Variants in GRIK4 observed in about 807,000 individuals in gnomAD.
The protein encoded by GRIK4 is glutamate receptor ionotropic, kainate 4.
Under a neutral mutation model 104.9 loss-of-function variants are expected in GRIK4, and 40 were observed. That is an observed-to-expected ratio of 0.38 (90% CI 0.30 to 0.50). The LOEUF (loss-of-function observed/expected upper bound fraction) is 0.50, where lower values mean the gene tolerates loss of function less well. Ranked by LOEUF, GRIK4 falls within the 20% of genes least tolerant of loss-of-function variation. The pLI is 0.93. For missense variants in GRIK4, 1,047 were observed against 1,308.1 expected (o/e 0.80, Z 3.08); for synonymous variants, 485 against 524.9 (o/e 0.92, Z 1.04).
At chr11:120,840,713 C>T (rs529135324) in intron 8 of GRIK4, among the ~76,000 whole-genome samples, 9 of 152,310 alleles carry the variant, frequency 5.9e-5, no homozygotes, top group African/African-American at 1.9e-4. Context: ...AGCATGCCAA[C>T]ACAGAGAACT....
chr11:120,957,122 G>A (rs552218091), intron 16 of GRIK4, among the ~76,000 whole-genome samples, 169 bp downstream of exon 16: 2 of 152,196 alleles, frequency 1.3e-5, no homozygotes, highest in Non-Finnish European at 1.5e-5. Flanking sequence ...GGCAATGGAT[G>A]GGGCCTGCTC....
chr11:120,628,651 TGGA>T (rs772314736), intron 1 of GRIK4, among the ~76,000 whole-genome samples: 3 of 152,008 alleles, frequency 2.0e-5, no homozygotes, highest in African/African-American at 4.8e-5. Flanking sequence ...CACTGATGGG[TGGA>T]GGAGGAGAAG....
chr11:120,874,238 C>T lies in GRIK4; in HGVS notation c.1059+20C>T, dbSNP rs1243667967. 1 of 1,598,938 alleles carries T rather than the reference C, an allele frequency of 6.3e-7. No homozygotes were observed. Among genetic ancestry groups the T allele is most frequent in the Non-Finnish European group, 8.5e-7 (1 of 1,172,484 alleles). ...CGCATGGTGAGGAGCGGCTGAGGCCCTGCAGGGCTGTGCCCAGGCTAGTGG... is the reference window on the plus strand; with the variant it reads ...CGCATGGTGAGGAGCGGCTGAGGCCTTGCAGGGCTGTGCCCAGGCTAGTGG... On this transcript the variant is annotated intron_variant, in intron 10 of 20. Transcript: ENST00000527524.
At chr11:120,848,667 A>AG (rs779778870) in intron 8 of GRIK4, among the ~76,000 whole-genome samples, 7 of 152,146 alleles carry the variant, frequency 4.6e-5, no homozygotes, top group African/African-American at 1.4e-4. Flanking sequence ...CAGTATATCC[A>AG]GGGGGGAAAT....
chr11:120,958,595 G>C (rs1278071880), intron 16 of GRIK4, among the ~76,000 whole-genome samples: 2 of 152,362 alleles, frequency 1.3e-5, no homozygotes, highest in African/African-American at 4.8e-5. Context: ...GAGAATGCCA[G>C]TTTGACAACT....
At chr11:120,696,544 C>T (rs1950452305) in intron 3 of GRIK4, among the ~76,000 whole-genome samples, 5 of 149,636 alleles carry the variant, frequency 3.3e-5, no homozygotes, top group Admixed American at 2.0e-4. Context: ...GGTGAGAGAG[C>T]TGGGGTTGAA....
chr11:120,623,510 G>T (rs1442503265), intron 1 of GRIK4, among the ~76,000 whole-genome samples: 1 of 152,170 alleles, frequency 6.6e-6, no homozygotes, highest in Non-Finnish European at 1.5e-5. Flanking sequence ...ACAGGCTTGT[G>T]TGTTCCTGAC....
intron 19 of GRIK4, among the ~76,000 whole-genome samples, chr11:120,972,880 T>G (rs1322817582): frequency 6.6e-6 from 1 of 151,764 alleles, no homozygotes; most frequent in African/African-American, 2.4e-5. Flanking sequence ...CTTAGTGAAG[T>G]GGGGGACGTA....
At chr11:120,941,621 T>A (rs1204046433) in intron 14 of GRIK4, among the ~76,000 whole-genome samples, 1 of 152,152 alleles carries the variant, frequency 6.6e-6, no homozygotes, top group Non-Finnish European at 1.5e-5. Context: ...TGGACTCTAA[T>A]CCAATGTCTG....
chr11:120,606,656 T>C (rs1459394904), intron 1 of GRIK4, among the ~76,000 whole-genome samples: 1 of 152,012 alleles, frequency 6.6e-6, no homozygotes, highest in Non-Finnish European at 1.5e-5. Flanking sequence ...TGCATGAGAG[T>C]GCCGCAGGTG....
At chr11:120,625,874 C>T (rs796331096) in intron 1 of GRIK4, among the ~76,000 whole-genome samples, 20 of 152,042 alleles carry the variant, frequency 1.3e-4, no homozygotes, top group African/African-American at 4.6e-4. Flanking sequence ...GCCACCCGTG[C>T]CCCACCTCAG....
At chr11:120,518,249 C>T (rs1055920115) in intron 1 of GRIK4, among the ~76,000 whole-genome samples, 2 of 152,200 alleles carry the variant, frequency 1.3e-5, no homozygotes, top group African/African-American at 4.8e-5. Context: ...GGGCACAAAG[C>T]TATGCAAGCC....
chr11:120,686,879 A>G (rs749052506), intron 3 of GRIK4, among the ~76,000 whole-genome samples: 19 of 152,230 alleles, frequency 1.2e-4, no homozygotes, highest in Non-Finnish European at 2.2e-4. Flanking sequence ...TAATTCCCAA[A>G]GTGCGTTATT....
At chr11:120,794,698 G>T (rs1179756541) in intron 3 of GRIK4, among the ~76,000 whole-genome samples, 1 of 152,132 alleles carries the variant, frequency 6.6e-6, no homozygotes, top group Non-Finnish European at 1.5e-5. Flanking sequence ...CCAGCCTCCA[G>T]AATTGTGAGA....
chr11:120,749,803 A>T (rs963180899), intron 3 of GRIK4, among the ~76,000 whole-genome samples: 1 of 152,232 alleles, frequency 6.6e-6, no homozygotes. Flanking sequence ...TGATGGGCTC[A>T]GCGGTGGGCG....
chr11:120,701,740 A>G (rs997769231), intron 3 of GRIK4, among the ~76,000 whole-genome samples: 11 of 152,154 alleles, frequency 7.2e-5, no homozygotes, highest in Non-Finnish European at 1.3e-4. Context: ...CAGTTGCTGC[A>G]TTGAGAATAG....
chr11:120,677,799 G>C (rs1470060651), intron 3 of GRIK4, among the ~76,000 whole-genome samples: 1 of 152,222 alleles, frequency 6.6e-6, no homozygotes, highest in Non-Finnish European at 1.5e-5. Context: ...CAGAGTAAGA[G>C]AGAGGGCAGT....
intron 3 of GRIK4, among the ~76,000 whole-genome samples, chr11:120,765,285 G>A (rs1282018029): frequency 1.3e-5 from 2 of 151,604 alleles, no homozygotes; most frequent in Non-Finnish European, 2.9e-5. Flanking sequence ...CTAAGTTCTT[G>A]TGCTGTATTT....
chr11:120,706,064 A>T (rs1950624579), intron 3 of GRIK4, among the ~76,000 whole-genome samples: 1 of 152,140 alleles, frequency 6.6e-6, no homozygotes, highest in African/African-American at 2.4e-5. Context: ...TGAGCTTTCT[A>T]GAGTTCCAGG....
Sources: allele counts gnomAD v4.1 joint callset (sites outside exome capture counted in the v4.1 genomes callset), GRCh38; gene constraint gnomAD v4.1.1; transcripts MANE v1.5; gene names NCBI Gene and HGNC (gene_info 2026-07-23, HGNC 2026-07-21).